Variants in RRP1B observed in about 807,000 individuals in gnomAD.
The protein encoded by RRP1B is ribosomal RNA processing protein 1 homolog B.
RRP1B carries 56 observed loss-of-function variants against 80.2 expected under a neutral mutation model. That is an observed-to-expected ratio of 0.70 (90% CI 0.56 to 0.87). The LOEUF (loss-of-function observed/expected upper bound fraction) is 0.87, where lower values mean the gene tolerates loss of function less well. Ranked by LOEUF, RRP1B falls within the 40% of genes least tolerant of loss-of-function variation. RRP1B has a pLI of 0.00. For missense variants in RRP1B, 807 were observed against 939.8 expected, an observed-to-expected ratio of 0.86 and a Z score of 1.85; for synonymous variants, 351 against 357.6, an observed-to-expected ratio of 0.98 and a Z score of 0.21.
chr21:43,659,728 G>A lies in RRP1B; in HGVS notation c.64G>A (p.Gly22Ser). The change falls in exon 1 of 16, where the codon GGC (glycine) becomes AGC (serine). Residue 22 changes from glycine (G) to serine (S), a missense_variant. Physicochemically the swap from Gly to Ser is moderately conservative, Grantham distance 56. Transcript: ENST00000340648. The surrounding 1 kb of genome is among the most constrained non-coding windows in gnomAD (Gnocchi z 4.2). ...FAQRLASSEK[G>S]IRDRAVKKLR... ...CCAGCGGCTGGCGTCCAGCGAGAAG[G>A]GCATCCGGGACCGAGCGGTGAAGAA... 6.5e-7 allele frequency: 1 copy of A among 1,533,560 alleles called. No individual in the cohort carries two copies. The highest frequency in any genetic ancestry group is 8.8e-7 in the Non-Finnish European group (1 of 1,139,006). 95.0% of individuals were successfully genotyped at this position (1,533,560 alleles called of 1,614,324 possible). A position where few individuals can be genotyped will look rare whatever the true frequency, so the allele number is the denominator to read the frequency against.
intron 10 of RRP1B, 106 bp from the exon 11 acceptor site, chr21:43,685,664 C>T: frequency 1.2e-6 from 1 of 816,176 alleles, no homozygotes; most frequent in Non-Finnish European, 1.7e-6. Context: ...TTAACTATGG[C>T]TTGTATTTTA....
At chr21:43,674,954 C>A in intron 5 of RRP1B, 80 bp from the exon 6 acceptor site, 1 of 1,553,802 alleles carries the variant, frequency 6.4e-7, no homozygotes. Flanking sequence ...AGGTTCTAGA[C>A]GGAGTATTTT....
chr21:43,693,508 G>T lies in RRP1B; in HGVS notation c.*125G>T, dbSNP rs1192639000. The T allele has an allele frequency of 1.0e-6, 1 of 963,458 alleles. No individual in the cohort carries two copies. The highest frequency in any genetic ancestry group is 1.5e-6 in the Non-Finnish European group (1 of 685,350). 59.7% of individuals were successfully genotyped at this position (963,458 alleles called of 1,614,324 possible). ...CCATAAGTTGTGTGCACGAGGTTCT[G>T]AGAGTGCCCGCAGGCTGCTGCGTCC... On this transcript the variant is annotated 3_prime_UTR_variant, in exon 16 of 16. Transcript: ENST00000340648. The surrounding 1 kb of genome is among the most constrained non-coding windows in gnomAD (Gnocchi z 4.1).
Position 43,659,567 on chromosome 21 carries a change from G to A in RRP1B, c.-98G>A. The A allele has an allele frequency of 1.6e-6, 2 of 1,230,106 alleles. No individual in the cohort carries two copies. Among genetic ancestry groups the A allele is most frequent in the Non-Finnish European group, 2.0e-6 (2 of 983,458 alleles). The allele number at this position is 1,230,106 out of a possible 1,614,324, so 76.2% of individuals were successfully genotyped here. A position where few individuals can be genotyped will look rare whatever the true frequency, so the allele number is the denominator to read the frequency against. ...CGCCGCCGCCGCCGCCTTCTGTGCA[G>A]TCGCGGCCCGGGCGGACGGTGGCTG... On this transcript the variant is annotated 5_prime_UTR_variant, in exon 1 of 16. Coordinates refer to ENST00000340648, the MANE Select transcript of RRP1B (RefSeq NM_015056.3). This position sits in a 1 kb window ranked among gnomAD's most constrained non-coding sequence, Gnocchi z 4.2.
At chr21:43,686,044 C>T (rs370303701) in intron 11 of RRP1B, 140 of 331,216 alleles carry the variant, frequency 4.2e-4, no homozygotes, top group African/African-American at 2.8e-3. Context: ...TCGCTTGAGC[C>T]CAGGAGGTCC....
At chr21:43,668,115 A>G (rs2082985541) in intron 1 of RRP1B, among the ~76,000 whole-genome samples, 1 of 151,862 alleles carries the variant, frequency 6.6e-6, no homozygotes. Context: ...AGGCTGAGGC[A>G]GGAGAATCGC....
chr21:43,677,767 T>C (rs750994547), intron 8 of RRP1B, among the ~76,000 whole-genome samples: 2 of 152,250 alleles, frequency 1.3e-5, no homozygotes, highest in Non-Finnish European at 2.9e-5. Context: ...TGTTTGGTTT[T>C]CCATTCCTGA....
intron 15 of RRP1B, among the ~76,000 whole-genome samples, chr21:43,692,987 G>A (rs767904824): frequency 1.6e-4 from 24 of 152,150 alleles, no homozygotes; most frequent in Non-Finnish European, 2.8e-4. Context: ...CCCTTGGGAG[G>A]GTGAGTTGAG....
At chr21:43,679,920 CATT>C (rs951672181) in intron 8 of RRP1B, among the ~76,000 whole-genome samples, 20 of 151,946 alleles carry the variant, frequency 1.3e-4, no homozygotes, top group Admixed American at 2.0e-4. Context: ...TTTTTGTTGT[CATT>C]GTTGTTTTGG....
chr21:43,687,986 T>C lies in RRP1B; in HGVS notation c.1612T>C (p.Ser538Pro). The C allele has an allele frequency of 6.2e-7, 1 of 1,612,996 alleles. No individual in the cohort carries two copies. The highest frequency in any genetic ancestry group is 8.5e-7 in the Non-Finnish European group (1 of 1,179,932). Residue 538 changes from serine to proline, a missense_variant, in exon 13 of 16, where the codon TCC becomes CCC. By Grantham distance (74) the Ser-to-Pro change is moderately conservative. Coordinates refer to ENST00000340648, the MANE Select transcript of RRP1B (RefSeq NM_015056.3). Reference sequence around the variant, plus strand: ...TGTGCCCGTCAATGGCAGTGGCCTGTCCACGCCGGCCTGGCCTCCATTGCA... The same window carrying C: ...TGTGCCCGTCAATGGCAGTGGCCTGCCCACGCCGGCCTGGCCTCCATTGCA... ...GVVPVNGSGL[S>P]TPAWPPLQQE...
chr21:43,663,813 C>T (rs964987088), intron 1 of RRP1B, among the ~76,000 whole-genome samples: 5 of 151,846 alleles, frequency 3.3e-5, no homozygotes, highest in African/African-American at 4.8e-5. Context: ...CTGCCCACCT[C>T]GGTCTCCCAA....
Position 43,683,265 on chromosome 21 carries a change from G to T in RRP1B, c.797-14G>T. 2 of 1,606,462 alleles carry T rather than the reference G, an allele frequency of 1.2e-6. No homozygotes were observed. The highest frequency in any genetic ancestry group is 1.7e-6 in the Non-Finnish European group (2 of 1,173,064). On this transcript the variant is annotated splice_polypyrimidine_tract_variant and intron_variant, in intron 8 of 15. Transcript: ENST00000340648. ...GATATGTCAATAATTTGGTCTTTGG[G>T]TATATTTTGACAGCACTGGGCAAAA...
Position 43,659,568 on chromosome 21 carries a change from T to C in RRP1B, c.-97T>C. ...GCCGCCGCCGCCGCCTTCTGTGCAG[T>C]CGCGGCCCGGGCGGACGGTGGCTGG... On this transcript the variant is annotated 5_prime_UTR_variant, in exon 1 of 16. Transcript: ENST00000340648. This position sits in a 1 kb window ranked among gnomAD's most constrained non-coding sequence, Gnocchi z 4.2. The C allele has an allele frequency of 8.1e-7, 1 of 1,231,036 alleles. No homozygotes were observed. The highest frequency in any genetic ancestry group is 1.0e-6 in the Non-Finnish European group (1 of 984,048). 76.3% of individuals were successfully genotyped at this position (1,231,036 alleles called of 1,614,324 possible).
Position 43,686,940 on chromosome 21 carries a change from G to A in RRP1B, c.1141+5G>A. 1.2e-6 allele frequency: 2 copies of A among 1,612,318 alleles called. No individual in the cohort carries two copies. The highest frequency in any genetic ancestry group is 1.7e-6 in the Non-Finnish European group (2 of 1,179,792). Reference sequence around the variant, plus strand: ...CTAACTTGGAAAAGGAGAAAGGTAAGCTGTAAAGCTAAAAAGAAGGGCACG... The same window carrying A: ...CTAACTTGGAAAAGGAGAAAGGTAAACTGTAAAGCTAAAAAGAAGGGCACG... On this transcript the variant is annotated splice_donor_5th_base_variant and intron_variant, in intron 12 of 15. Transcript: ENST00000340648.
intron 2 of RRP1B, among the ~76,000 whole-genome samples, chr21:43,671,372 T>C (rs897954678): frequency 9.3e-5 from 14 of 150,926 alleles, no homozygotes; most frequent in African/African-American, 2.9e-4. Flanking sequence ...GTTTTCTTTT[T>C]TTTTTTTTTT....
At chr21:43,673,595 T>G (rs1045711367) in intron 3 of RRP1B, among the ~76,000 whole-genome samples, 4 of 148,570 alleles carry the variant, frequency 2.7e-5, no homozygotes, top group African/African-American at 1.0e-4. Flanking sequence ...GATCATGCCA[T>G]TGCACTCCAG....
chr21:43,672,421 T>C (rs1247923092), intron 3 of RRP1B, 56 bp downstream of exon 3: 38 of 1,426,778 alleles, frequency 2.7e-5, no homozygotes, highest in Non-Finnish European at 3.8e-5. Context: ...GCTAGTTTAA[T>C]GGGAACCTTG....
chr21:43,660,420 G>T (rs1441402280), intron 1 of RRP1B, among the ~76,000 whole-genome samples: 1 of 152,082 alleles, frequency 6.6e-6, no homozygotes, highest in Non-Finnish European at 1.5e-5. Flanking sequence ...AGAATTAGCC[G>T]GGCATGGTGG....
At chr21:43,683,208 G>T in intron 8 of RRP1B, 71 bp from the exon 9 acceptor site, 1 of 1,230,090 alleles carries the variant, frequency 8.1e-7, no homozygotes, top group Non-Finnish European at 1.2e-6. Flanking sequence ...TTAGACAGTG[G>T]CTCCTGTGGA....
Sources: allele counts gnomAD v4.1 joint callset (sites outside exome capture counted in the v4.1 genomes callset), GRCh38; gene constraint gnomAD v4.1.1; non-coding constraint Gnocchi (gnomAD v3.1); transcripts MANE v1.5; gene names NCBI Gene and HGNC (gene_info 2026-07-23, HGNC 2026-07-21).